The following CSF1R variants were observed in gnomAD, a reference collection of about 807,000 sequenced individuals.
CSF1R encodes colony stimulating factor 1 receptor.
In CSF1R, 40 loss-of-function variants were observed where a neutral mutation model predicts 110.0. That is an observed-to-expected ratio of 0.36 (90% CI 0.28 to 0.47). CSF1R has a LOEUF of 0.47. CSF1R is among the 20% of genes least tolerant of loss of function. The pLI, the probability that CSF1R is intolerant of heterozygous loss-of-function variation, is 0.99. For synonymous variants in CSF1R, 523 were observed against 503.4 expected (o/e 1.04, Z -0.52); for missense variants, 1,052 against 1,253.0 (o/e 0.84, Z 2.42).
chr5:150,090,490 T>A (rs1321732072), upstream of CSF1R, among the ~76,000 whole-genome samples: 2 of 152,178 alleles, frequency 1.3e-5, no homozygotes, highest in Non-Finnish European at 2.9e-5. Context: ...CTGTTCTCCA[T>A]CCCTGCAGTT....
intron 18 of CSF1R, 109 bp downstream of exon 18, chr5:150,055,917 A>C: frequency 1.0e-6 from 1 of 972,516 alleles, no homozygotes; most frequent in Non-Finnish European, 1.5e-6. Flanking sequence ...CCATTCCTGC[A>C]CTCTCACCAA....
intron 18 of CSF1R, among the ~76,000 whole-genome samples, chr5:150,055,801 C>T (rs996351183): frequency 1.3e-5 from 2 of 152,244 alleles, no homozygotes; most frequent in African/African-American, 4.8e-5. Context: ...GTAACAGCAA[C>T]TGAGCAGAGA....
At chr5:150,094,381 A>G in intron 1 of CSF1R, 1 of 1,599,872 alleles carries the variant, frequency 6.3e-7, no homozygotes, top group Non-Finnish European at 8.5e-7. Context: ...AATTTCGCAG[A>G]GCTGAAGATG....
chr5:150,059,869 C>T lies in CSF1R; in HGVS notation c.1970-7G>A, dbSNP rs1757424610. The stretch of plus-strand genomic sequence containing the variant: ...GTGATGACCAGTACAGGGCCTAGAG[C>T]AGCCAAGGGTGTGGGGTGAGGGAGG... On this transcript the variant is annotated splice_region_variant and splice_polypyrimidine_tract_variant and intron_variant, in intron 13 of 20. Transcript: ENST00000675795. The T allele has an allele frequency of 1.2e-6, 2 of 1,603,190 alleles. No homozygotes were observed. The highest frequency in any genetic ancestry group is 1.7e-6 in the Non-Finnish European group (2 of 1,171,478).
intron 18 of CSF1R, 132 bp downstream of exon 18, chr5:150,055,894 C>T (rs1465207837): frequency 1.7e-5 from 13 of 759,982 alleles, no homozygotes; most frequent in Middle Eastern, 3.6e-4. Flanking sequence ...TGCTGGGTTT[C>T]GAGAGCCCTT....
At position 150,080,267 on chromosome 5, in the gene CSF1R, G is replaced by A. The variant is rs1758471264; in HGVS notation, c.377C>T (p.Pro126Leu). ...VVFEDQDALL[P>L]CLLTDPVLEA... ...CAGCACCGGGTCTGTGAGCAGACAG[G>A]GCAGTAGTGCGTCCTGGTCCTCGAA... Residue 126 changes from proline to leucine, a missense_variant, in exon 3 of 21, where the codon CCC (proline) becomes CTC (leucine). Coordinates refer to ENST00000675795, the MANE Select transcript of CSF1R (RefSeq NM_001288705.3). The A allele has an allele frequency of 6.2e-7, 1 of 1,613,900 alleles. No individual in the cohort carries two copies.
chr5:150,064,449 G>A (rs1442732746), intron 10 of CSF1R, among the ~76,000 whole-genome samples: 1 of 152,198 alleles, frequency 6.6e-6, no homozygotes, highest in Non-Finnish European at 1.5e-5. Context: ...CGGACTGCAG[G>A]TGAACTTCAG....
At chr5:150,097,150 T>G (rs1759250101) in intron 1 of CSF1R, among the ~76,000 whole-genome samples, 1 of 152,074 alleles carries the variant, frequency 6.6e-6, no homozygotes, top group Non-Finnish European at 1.5e-5. Flanking sequence ...TAGTCCTAGC[T>G]ACTTGGAAGG....
chr5:150,065,207 A>G (rs1000442814), intron 10 of CSF1R, among the ~76,000 whole-genome samples: 3 of 151,970 alleles, frequency 2.0e-5, no homozygotes, highest in Non-Finnish European at 4.4e-5. Context: ...CTCCCCATCT[A>G]GGCCTGCTGG....
At chr5:150,081,975 C>A (rs1388970347) in intron 1 of CSF1R, among the ~76,000 whole-genome samples, 1 of 152,216 alleles carries the variant, frequency 6.6e-6, no homozygotes. Context: ...AGGCGCCCCC[C>A]AGCCTGTGTG....
At chr5:150,058,781 G>A (rs73275614) in intron 14 of CSF1R, among the ~76,000 whole-genome samples, 4,472 of 151,916 alleles carry the variant, frequency 0.029, 241 homozygotes, top group African/African-American at 0.1. Context: ...GGATGAGGGC[G>A]CAGTGTACAC....
At chr5:150,064,469 G>A (rs905510946) in intron 10 of CSF1R, among the ~76,000 whole-genome samples, 8 of 152,174 alleles carry the variant, frequency 5.3e-5, no homozygotes, top group East Asian at 1.9e-4. Flanking sequence ...GAGCCTCTGC[G>A]TTATAGCTTG....
At position 150,077,345 on chromosome 5, in the gene CSF1R, C is replaced by T. The variant is rs758675858; in HGVS notation, c.820G>A (p.Gly274Ser). 9 of 1,614,126 alleles carry T rather than the reference C, an allele frequency of 5.6e-6. No individual in the cohort carries two copies. The highest frequency in any genetic ancestry group is 2.2e-5 in the East Asian group (1 of 44,884). ...TTGCTGGCCACGCAGGAGTAGTTGCCGGCATGTTGGAAATCTACTTGATCG... is the reference window on the plus strand; with the variant it reads ...TTGCTGGCCACGCAGGAGTAGTTGCTGGCATGTTGGAAATCTACTTGATCG... ...NLDQVDFQHA[G>S]NYSCVASNVQ... The change falls in exon 5 of 21, where the codon GGC becomes AGC. Residue 274 changes from glycine to serine, a missense_variant. By Grantham distance (56) the Gly-to-Ser change is moderately conservative (BLOSUM62 0). This residue lies in a region of CSF1R where 693 missense variants were observed against 735.4 expected (regional missense o/e 0.94). Coordinates refer to ENST00000675795, the MANE Select transcript of CSF1R (RefSeq NM_001288705.3).
At chr5:150,054,619 ACT>A (rs1466477724) in intron 19 of CSF1R, 189 bp from the exon 20 acceptor site, 2 of 555,248 alleles carry the variant, frequency 3.6e-6, no homozygotes, top group East Asian at 6.0e-5. Context: ...GCAGAAGGGT[ACT>A]CTCATCACCC....
chr5:150,061,870 A>G (rs1356123881), intron 10 of CSF1R, 21 bp from the exon 11 acceptor site: 3 of 1,613,886 alleles, frequency 1.9e-6, no homozygotes, highest in Non-Finnish European at 2.5e-6. Flanking sequence ...GGAAGGGAGC[A>G]CGTGGCAGTC....
At chr5:150,082,310 C>A (rs1169742602) in intron 1 of CSF1R, among the ~76,000 whole-genome samples, 1 of 152,332 alleles carries the variant, frequency 6.6e-6, no homozygotes, top group South Asian at 2.1e-4. Context: ...AATGGAAATT[C>A]CCCCTGCCCC....
At chr5:150,110,004 G>A (rs1759670147) in intron 1 of CSF1R, among the ~76,000 whole-genome samples, 1 of 152,098 alleles carries the variant, frequency 6.6e-6, no homozygotes, top group Non-Finnish European at 1.5e-5. Context: ...TTAACTTCCT[G>A]GATCTCTTCG....
At chr5:150,082,187 C>A (rs1442638035) in intron 1 of CSF1R, among the ~76,000 whole-genome samples, 3 of 152,254 alleles carry the variant, frequency 2.0e-5, no homozygotes, top group Admixed American at 2.0e-4. Context: ...GGCCATCCAA[C>A]TCCTCAGCTC....
At chr5:150,071,480 G>A (rs892116967) in intron 6 of CSF1R, among the ~76,000 whole-genome samples, 1 of 152,218 alleles carries the variant, frequency 6.6e-6, no homozygotes, top group African/African-American at 2.4e-5. Context: ...TATTCAGAGA[G>A]CAGTCTCATC....
Sources: allele counts gnomAD v4.1 joint callset (sites outside exome capture counted in the v4.1 genomes callset), GRCh38; gene constraint gnomAD v4.1.1; regional missense constraint gnomAD v4.1.1; transcripts MANE v1.5; gene names NCBI Gene and HGNC (gene_info 2026-07-23, HGNC 2026-07-21).